The following DNAJB6 variants were observed in gnomAD, a reference collection of about 807,000 sequenced individuals.
DNAJB6 encodes the protein DnaJ heat shock protein family (Hsp40) member B6.
A neutral mutation model predicts 42.7 loss-of-function variants in DNAJB6; 16 were observed. That is an observed-to-expected ratio of 0.37 (90% CI 0.25 to 0.57). The LOEUF (loss-of-function observed/expected upper bound fraction) is 0.57. Among genes scored for constraint, DNAJB6 ranks in the 20% least tolerant of loss-of-function variants. The probability of loss-of-function intolerance (pLI) is 0.74; values close to 1 mark genes in which losing one functional copy is unlikely to be tolerated. For synonymous variants in DNAJB6, 170 were observed against 163.5 expected (o/e 1.04, Z -0.30); for missense variants, 347 against 416.8 (o/e 0.83, Z 1.46).
intron 1 of DNAJB6, among the ~76,000 whole-genome samples, chr7:157,354,143 G>A (rs9647679): frequency 0.55 from 83,930 of 151,978 alleles, 23,555 homozygotes; most frequent in East Asian, 0.76. Context: ...ATTCATTTTT[G>A]TTTGTTTTTT....
At position 157,401,080 on chromosome 7, in the gene DNAJB6, C is replaced by T. The variant is rs548145059; in HGVS notation, c.692-8715C>T. Among the ~76,000 whole-genome samples the T allele has an allele frequency of 8.5e-5, 13 of 152,306 alleles. No homozygotes were observed. The East Asian group carries it at 2.1e-3, about 25-fold the overall frequency. ...TGGTGCCGGCAGCTGTCGGCCTCCTCGCCTCTGATTTCTCTGGCCCACCAC... is the reference window on the plus strand; with the variant it reads ...TGGTGCCGGCAGCTGTCGGCCTCCTTGCCTCTGATTTCTCTGGCCCACCAC... On this transcript the variant is annotated intron_variant, in intron 8 of 9. Coordinates refer to ENST00000262177, the MANE Select transcript of DNAJB6 (RefSeq NM_058246.4).
intron 1 of DNAJB6, among the ~76,000 whole-genome samples, chr7:157,341,142 T>C (rs932149496): frequency 1.3e-5 from 2 of 152,026 alleles, no homozygotes; most frequent in Non-Finnish European, 2.9e-5. Flanking sequence ...TTTTTTGTTG[T>C]TGTTGAGATG....
At chr7:157,339,525 C>A (rs1206483133) in intron 1 of DNAJB6, among the ~76,000 whole-genome samples, 2 of 151,804 alleles carry the variant, frequency 1.3e-5, no homozygotes, top group Non-Finnish European at 2.9e-5. Flanking sequence ...TGGTCTTGAT[C>A]TCCTGACCTC....
At chr7:157,398,475 C>T (rs80174395) in intron 8 of DNAJB6, among the ~76,000 whole-genome samples, 249 of 152,302 alleles carry the variant, frequency 1.6e-3, no homozygotes, top group Non-Finnish European at 3.1e-3. Context: ...TTTTCATCTG[C>T]GTGTTATCAG....
At chr7:157,375,551 G>A (rs1044407498) in intron 5 of DNAJB6, among the ~76,000 whole-genome samples, 19 of 152,180 alleles carry the variant, frequency 1.2e-4, no homozygotes, top group African/African-American at 4.1e-4. Flanking sequence ...CAAATATGGC[G>A]TGCCTGCTGT....
At chr7:157,392,099 C>CAAAAAAAAAAAA (rs57861175) in intron 8 of DNAJB6, among the ~76,000 whole-genome samples, 1 of 112,260 alleles carries the variant, frequency 8.9e-6, no homozygotes, top group Non-Finnish European at 1.8e-5. Flanking sequence ...GACCCTGTCT[C>CAAAAAAAAAAAA]AAAAAAAAAA....
At chr7:157,385,184 T>C (rs574946207) in intron 7 of DNAJB6, among the ~76,000 whole-genome samples, 176 bp downstream of exon 7, 15 of 152,360 alleles carry the variant, frequency 9.8e-5, no homozygotes, top group Middle Eastern at 6.8e-3. Context: ...AAATTTTACT[T>C]AACTGTTGAA....
chr7:157,365,754 T>C (rs2116986337), intron 3 of DNAJB6, among the ~76,000 whole-genome samples: 1 of 152,284 alleles, frequency 6.6e-6, no homozygotes, highest in South Asian at 2.1e-4. Context: ...AACTTCTGCC[T>C]CCTGGGTTCA....
At chr7:157,353,601 G>GTGTGTT (rs1799117755) in intron 1 of DNAJB6, among the ~76,000 whole-genome samples, 1 of 147,440 alleles carries the variant, frequency 6.8e-6, no homozygotes, top group Admixed American at 6.8e-5. Context: ...GTGTGTGTGT[G>GTGTGTT]TGTGTGTGTG....
intron 8 of DNAJB6, among the ~76,000 whole-genome samples, chr7:157,404,374 T>G (rs1425105267): frequency 1.3e-5 from 2 of 151,632 alleles, no homozygotes; most frequent in Non-Finnish European, 2.9e-5. Flanking sequence ...CACTGCAGCC[T>G]TGAACCCCCT....
intron 1 of DNAJB6, among the ~76,000 whole-genome samples, chr7:157,356,916 G>A (rs144711280): frequency 0.012 from 1,896 of 152,048 alleles, 18 homozygotes; most frequent in Non-Finnish European, 0.02. Context: ...TCATTCTGTC[G>A]AATTGATAAT....
At chr7:157,407,473 T>C (rs996103664) in intron 8 of DNAJB6, among the ~76,000 whole-genome samples, 1 of 152,188 alleles carries the variant, frequency 6.6e-6, no homozygotes, top group African/African-American at 2.4e-5. Flanking sequence ...TTAAAAGTCA[T>C]GGCGGAGTAT....
intron 6 of DNAJB6, among the ~76,000 whole-genome samples, chr7:157,383,694 A>T (rs1387638937): frequency 6.6e-6 from 1 of 152,048 alleles, no homozygotes; most frequent in East Asian, 1.9e-4. Flanking sequence ...AAGTATCACA[A>T]GAATAAATAC....
Position 157,398,416 on chromosome 7 carries a change from G to A in DNAJB6, c.692-11379G>A, listed in dbSNP as rs180776610. The stretch of plus-strand genomic sequence containing the variant: ...AAGGAGCAGTCTCCCCAGGGGCCTC[G>A]TGGATTGTGTGTATTTGGGAAAAGC... On this transcript the variant is annotated intron_variant, in intron 8 of 9. Transcript: ENST00000262177. Among the ~76,000 whole-genome samples the A allele has an allele frequency of 9.8e-5, 15 of 152,354 alleles. No homozygotes were observed. The East Asian group carries it at 2.3e-3, about 23-fold the overall frequency.
intron 1 of DNAJB6, among the ~76,000 whole-genome samples, chr7:157,353,259 C>T (rs1030050429): frequency 6.6e-6 from 1 of 150,494 alleles, no homozygotes; most frequent in African/African-American, 2.4e-5. Flanking sequence ...TTGATGTACA[C>T]TTCGTCTTTT....
At chr7:157,355,875 T>C (rs1799247774) in intron 1 of DNAJB6, among the ~76,000 whole-genome samples, 2 of 152,184 alleles carry the variant, frequency 1.3e-5, no homozygotes, top group South Asian at 4.1e-4. Flanking sequence ...GAGAGTGTTT[T>C]TGGTGGTGAA....
intron 5 of DNAJB6, among the ~76,000 whole-genome samples, chr7:157,370,072 CGGGCCCCTTCTT>C (rs1800104590): frequency 7.1e-6 from 1 of 140,912 alleles, no homozygotes; most frequent in African/African-American, 2.8e-5. Context: ...TATTATTAAA[CGGGCCCCTTCTT>C]AACATTATTA....
At chr7:157,376,654 A>G (rs560177540) in intron 5 of DNAJB6, among the ~76,000 whole-genome samples, 2 of 152,122 alleles carry the variant, frequency 1.3e-5, no homozygotes, top group African/African-American at 4.8e-5. Flanking sequence ...GCTGAGGCGG[A>G]TGGATCGCTT....
intron 9 of DNAJB6, chr7:157,410,848 TGAAAA>T (rs1173769345): frequency 6.6e-6 from 1 of 152,206 alleles, no homozygotes; most frequent in South Asian, 2.1e-4. Context: ...AAGCAGGACA[TGAAAA>T]GAAGGGGGAA....
Sources: allele counts gnomAD v4.1 joint callset (sites outside exome capture counted in the v4.1 genomes callset), GRCh38; gene constraint gnomAD v4.1.1; transcripts MANE v1.5; gene names NCBI Gene and HGNC (gene_info 2026-07-23, HGNC 2026-07-21).